Variants in ADAM23 observed in about 807,000 individuals in gnomAD.
ADAM23 encodes disintegrin and metalloproteinase domain-containing protein 23.
A neutral mutation model predicts 120.1 loss-of-function variants in ADAM23; 33 were observed. The observed-to-expected ratio is 0.27, with a 90% CI of 0.21 to 0.37. The LOEUF is 0.37. Among genes scored for constraint, ADAM23 ranks in the 10% least tolerant of loss-of-function variants. The probability of loss-of-function intolerance (pLI) is 1.00; values close to 1 mark genes in which losing one functional copy is unlikely to be tolerated. For missense variants in ADAM23, 862 were observed against 1,058.2 expected, an observed-to-expected ratio of 0.81 and a Z score of 2.57; for synonymous variants, 367 against 375.2, an observed-to-expected ratio of 0.98 and a Z score of 0.25.
intron 2 of ADAM23, among the ~76,000 whole-genome samples, chr2:206,454,273 G>A (rs1574475870): frequency 6.6e-6 from 1 of 152,152 alleles, no homozygotes. Context: ...GTCTTACCAT[G>A]GCATAGCAGG....
intron 2 of ADAM23, among the ~76,000 whole-genome samples, chr2:206,476,018 C>G (rs1695767477): frequency 6.6e-6 from 1 of 152,128 alleles, no homozygotes; most frequent in African/African-American, 2.4e-5. Context: ...ATAGAATAAA[C>G]ATTGTTTTTT....
chr2:206,555,046 C>CT (rs1266562610), intron 9 of ADAM23, among the ~76,000 whole-genome samples: 1 of 152,114 alleles, frequency 6.6e-6, no homozygotes, highest in Non-Finnish European at 1.5e-5. Flanking sequence ...GTTCAGGGCT[C>CT]TTTTCTCTTT....
At chr2:206,489,918 GA>G (rs1372369446) in intron 3 of ADAM23, among the ~76,000 whole-genome samples, 9 of 152,188 alleles carry the variant, frequency 5.9e-5, no homozygotes, top group Non-Finnish European at 1.3e-4. Context: ...AAATAGGATT[GA>G]AAATAATGCT....
At chr2:206,541,550 G>T (rs938706128) in intron 4 of ADAM23, among the ~76,000 whole-genome samples, 2 of 151,936 alleles carry the variant, frequency 1.3e-5, no homozygotes, top group Non-Finnish European at 2.9e-5. Flanking sequence ...AAACTGCTGT[G>T]TTTTTTTAAA....
At chr2:206,446,500 A>G (rs557575021) in intron 2 of ADAM23, among the ~76,000 whole-genome samples, 32 of 152,232 alleles carry the variant, frequency 2.1e-4, no homozygotes, top group Admixed American at 7.2e-4. Flanking sequence ...ATTGTTTTTT[A>G]TTAGTTTTCT....
intron 18 of ADAM23, among the ~76,000 whole-genome samples, chr2:206,573,875 G>A (rs898097085): frequency 1.3e-5 from 2 of 151,834 alleles, no homozygotes; most frequent in East Asian, 1.9e-4. Context: ...GGTCCTCTAC[G>A]GATAAGGGGG....
intron 14 of ADAM23, among the ~76,000 whole-genome samples, chr2:206,565,543 T>C (rs1350131865): frequency 6.6e-6 from 1 of 152,230 alleles, no homozygotes; most frequent in Non-Finnish European, 1.5e-5. Context: ...AATCAGGTAG[T>C]CTTCTAGTGA....
At chr2:206,515,360 C>T (rs531870539) in intron 3 of ADAM23, among the ~76,000 whole-genome samples, 11 of 152,240 alleles carry the variant, frequency 7.2e-5, no homozygotes, top group Admixed American at 1.3e-4. Flanking sequence ...GGGAAGGGCA[C>T]GGGATAATTT....
rs1045857878 is a variant in ADAM23, at chr2:206,576,800, C to G, written c.1737+3605C>G. The stretch of plus-strand genomic sequence containing the variant: ...TTTATAATAGAATAAACAATACTTA[C>G]GTAATTAAGAGAAATCCTTGACAAA... On this transcript the variant is annotated intron_variant, in intron 18 of 25. Transcript: ENST00000264377. 3.3e-5 allele frequency among the ~76,000 whole-genome samples: 5 copies of G among 152,086 alleles called. No individual in the cohort carries two copies. The East Asian group carries it at 7.7e-4, about 23-fold the overall frequency.
At chr2:206,491,825 G>A (rs1696140782) in intron 3 of ADAM23, among the ~76,000 whole-genome samples, 1 of 152,154 alleles carries the variant, frequency 6.6e-6, no homozygotes. Context: ...TGATGTAGTA[G>A]GGCATTCAAT....
chr2:206,556,268 T>C (rs2105818282), intron 9 of ADAM23, among the ~76,000 whole-genome samples: 1 of 152,256 alleles, frequency 6.6e-6, no homozygotes, highest in South Asian at 2.1e-4. Flanking sequence ...ACATTAGATA[T>C]GTAAACATTG....
Position 206,443,860 on chromosome 2 carries a change from A to C in ADAM23, c.-7A>C. 1 of 1,128,354 alleles carries C rather than the reference A, an allele frequency of 8.9e-7. No individual in the cohort carries two copies. The highest frequency in any genetic ancestry group is 3.8e-5 in the South Asian group (1 of 26,020). The allele number at this position is 1,128,354 out of a possible 1,614,324, so 69.9% of individuals were successfully genotyped here. On this transcript the variant is annotated 5_prime_UTR_variant, in exon 1 of 26. An upstream start codon of the reference 5' UTR is lost. Coordinates refer to ENST00000264377, the MANE Select transcript of ADAM23 (RefSeq NM_003812.4). ...CCACACGGAGCGGCGCCCGGGAGCTATGAGCCATGAAGCCGCCCGGCAGCA... is the reference window on the plus strand; with the variant it reads ...CCACACGGAGCGGCGCCCGGGAGCTCTGAGCCATGAAGCCGCCCGGCAGCA...
chr2:206,587,288 C>G (rs557682855), intron 18 of ADAM23, 37 bp from the exon 19 acceptor site: 6 of 1,502,430 alleles, frequency 4.0e-6, no homozygotes, highest in African/African-American at 2.8e-5. Context: ...AGGTACCTAG[C>G]ATGCTGAATA....
chr2:206,551,416 C>CT (rs1360414450), intron 9 of ADAM23, among the ~76,000 whole-genome samples: 15 of 152,146 alleles, frequency 9.9e-5, no homozygotes, highest in African/African-American at 3.1e-4. Context: ...GTTGTAAACT[C>CT]TAAGGCAAAA....
intron 3 of ADAM23, among the ~76,000 whole-genome samples, chr2:206,518,166 C>T (rs906461484): frequency 6.6e-6 from 1 of 152,176 alleles, no homozygotes; most frequent in Non-Finnish European, 1.5e-5. Flanking sequence ...TTTTCTACTA[C>T]CACTGGATTT....
intron 18 of ADAM23, among the ~76,000 whole-genome samples, chr2:206,578,730 A>G (rs1367290797): frequency 6.6e-6 from 1 of 152,068 alleles, no homozygotes; most frequent in Non-Finnish European, 1.5e-5. Context: ...TTTTTGAATA[A>G]TGACGTCTTT....
chr2:206,603,097 G>T (rs1419394085), intron 24 of ADAM23, among the ~76,000 whole-genome samples: 1 of 152,038 alleles, frequency 6.6e-6, no homozygotes, highest in Non-Finnish European at 1.5e-5. Flanking sequence ...CGTGTGTCCA[G>T]CATAGTTCCT....
intron 7 of ADAM23, 39 bp downstream of exon 7, chr2:206,547,540 G>A (rs1237507907): frequency 6.5e-7 from 1 of 1,541,306 alleles, no homozygotes; most frequent in Admixed American, 1.7e-5. Flanking sequence ...ATTTTATGTA[G>A]TATGAGCTTT....
intron 24 of ADAM23, chr2:206,606,858 G>A (rs919758745): frequency 6.6e-6 from 1 of 152,126 alleles, no homozygotes; most frequent in Non-Finnish European, 1.5e-5. Flanking sequence ...GGTGGTGGTG[G>A]TAACACTTCA....
Sources: allele counts gnomAD v4.1 joint callset (sites outside exome capture counted in the v4.1 genomes callset), GRCh38; gene constraint gnomAD v4.1.1; transcripts MANE v1.5; gene names NCBI Gene and HGNC (gene_info 2026-07-23, HGNC 2026-07-21).